Variants in USP30 observed in about 807,000 individuals in gnomAD.
The protein encoded by USP30 is ubiquitin carboxyl-terminal hydrolase 30.
Under a neutral mutation model 68.2 loss-of-function variants are expected in USP30, and 41 were observed. That is an observed-to-expected ratio of 0.60 (90% CI 0.47 to 0.78). The LOEUF is 0.78. USP30 is among the 30% of genes least tolerant of loss of function. The pLI is 0.00. For synonymous variants in USP30, 229 were observed against 253.7 expected, an observed-to-expected ratio of 0.90 and a Z score of 0.93; for missense variants, 522 against 649.4, an observed-to-expected ratio of 0.80 and a Z score of 2.13.
chr12:109,077,826 G>A (rs1005633491), intron 7 of USP30, among the ~76,000 whole-genome samples: 1 of 139,262 alleles, frequency 7.2e-6, no homozygotes, highest in South Asian at 2.1e-4. Context: ...TGTTTGTGTT[G>A]GGGGGGGAGG....
At chr12:109,026,146 G>A (rs1040601140) in intron 2 of USP30, among the ~76,000 whole-genome samples, 1 of 152,038 alleles carries the variant, frequency 6.6e-6, no homozygotes, top group Non-Finnish European at 1.5e-5. Flanking sequence ...TGCAATCTCA[G>A]CTAACTGCTA....
At chr12:109,061,272 A>G (rs936162557) in intron 3 of USP30, among the ~76,000 whole-genome samples, 1 of 152,078 alleles carries the variant, frequency 6.6e-6, no homozygotes, top group Non-Finnish European at 1.5e-5. Context: ...CCCTGACCTC[A>G]GCACTGCCCT....
At chr12:109,047,414 T>A (rs2040615393) in intron 3 of USP30, among the ~76,000 whole-genome samples, 1 of 152,180 alleles carries the variant, frequency 6.6e-6, no homozygotes, top group African/African-American at 2.4e-5. Flanking sequence ...GAGGTGGAAT[T>A]TAAATGATTT....
At chr12:109,032,099 CA>C (rs71079513) in intron 3 of USP30, among the ~76,000 whole-genome samples, 106,555 of 131,830 alleles carry the variant, frequency 0.81, 42,357 homozygotes, top group East Asian at 0.99. Context: ...GAGACTCTGT[CA>C]AAAAAAAAAA....
intron 9 of USP30, 113 bp from the exon 10 acceptor site, chr12:109,082,550 C>A: frequency 1.1e-6 from 1 of 945,518 alleles, no homozygotes; most frequent in Non-Finnish European, 1.6e-6. Context: ...TTCATTTCAG[C>A]AGGTAGCAGT....
chr12:109,081,385 G>T lies in USP30; in HGVS notation c.772G>T (p.Ala258Ser), dbSNP rs542871437. The T allele has an allele frequency of 3.2e-5, 51 of 1,613,946 alleles. No homozygotes were observed. The highest frequency in any genetic ancestry group is 4.2e-5 in the Non-Finnish European group (50 of 1,179,950). Residue 258 changes from alanine (A) to serine (S), a missense_variant, in exon 8 of 13, where the codon GCC becomes TCC. Physicochemically the swap from Ala to Ser is moderately conservative, Grantham distance 99 (BLOSUM62 1). Transcript: ENST00000257548. ...FDSLSLSIPA[A>S]TWGHPLTLDH... is the part of the protein sequence containing the mutation. ...TAGCCTTTCACTAAGTATTCCAGCC[G>T]CCACATGGGTATGTACTGATTTATG... is the stretch of plus-strand genomic sequence containing the variant.
intron 3 of USP30, among the ~76,000 whole-genome samples, chr12:109,064,916 A>G (rs1322695858): frequency 1.3e-5 from 2 of 152,150 alleles, no homozygotes; most frequent in Non-Finnish European, 2.9e-5. Context: ...GTATGGGAGA[A>G]AGATGTGGTT....
At chr12:109,044,164 T>C (rs1346044541) in intron 3 of USP30, among the ~76,000 whole-genome samples, 1 of 152,198 alleles carries the variant, frequency 6.6e-6, no homozygotes, top group Non-Finnish European at 1.5e-5. Flanking sequence ...TTAGAGTAGT[T>C]GAATAAATAG....
chr12:109,057,986 GC>G lies in USP30; in HGVS notation c.256del (p.Leu86CysfsTer33). On this transcript the variant is annotated frameshift_variant, in exon 3 of 13. Transcript: ENST00000257548. LOFTEE classifies it high-confidence loss of function. Reference sequence around the variant, plus strand: ...TGCTTCATGAACTCCCTGCTACAAGGCCTGTCTGCCTGTCCTGCTTTCATCA... The same window carrying G: ...TGCTTCATGAACTCCCTGCTACAAGGCTGTCTGCCTGTCCTGCTTTCATCA... Reference protein sequence around the residue: ...NTCFMNSLLQGLSACPAFIRW... With the variant: ...NTCFMNSLLQXLSACPAFIRW... The G allele has an allele frequency of 6.2e-7, 1 of 1,614,094 alleles. No homozygotes were observed. Among genetic ancestry groups the G allele is most frequent in the Non-Finnish European group, 8.5e-7 (1 of 1,180,022 alleles).
In USP30 at chr12:109,053,267, C is replaced by T. The variant is rs946094709; in HGVS notation, c.83+506C>T. ...GTACCGCCCCCTATTCCTGTTAGCC[C>T]GCCCTCTAGTCTAATATGGATCGCC... On this transcript the variant is annotated intron_variant, in intron 1 of 12. Transcript: ENST00000257548. Among the ~76,000 whole-genome samples, 3 of 152,242 alleles carry T rather than the reference C, an allele frequency of 2.0e-5. No individual in the cohort carries two copies. In the South Asian group the frequency reaches 6.2e-4, roughly 32 times the overall value.
chr12:109,026,600 G>A (rs1020383150), intron 2 of USP30, among the ~76,000 whole-genome samples: 4 of 151,274 alleles, frequency 2.6e-5, no homozygotes, highest in African/African-American at 9.7e-5. Flanking sequence ...GCTTCCTGTA[G>A]TAGACCGTAG....
intron 3 of USP30, among the ~76,000 whole-genome samples, chr12:109,044,499 C>A (rs555089015): frequency 1.3e-5 from 2 of 151,836 alleles, no homozygotes; most frequent in Admixed American, 6.6e-5. Flanking sequence ...CAGCCAGGCA[C>A]AAAGGCTCGT....
rs767886259 is a variant in USP30, at chr12:109,085,820, C to T, written c.1443C>T (p.Val481=). Reference sequence around the variant, plus strand: ...GGCTGTGGGTCTCCGATGACACTGTCCGCAAGGCCAGCCTGCAGGAGGTCC... The same window carrying T: ...GGCTGTGGGTCTCCGATGACACTGTTCGCAAGGCCAGCCTGCAGGAGGTCC... ...NQWLWVSDDT[V]RKASLQEVLS... The change falls in exon 13 of 13, where the codon GTC becomes GTT. Residue 481 remains valine, a synonymous_variant. Transcript: ENST00000257548. The T allele has an allele frequency of 1.1e-5, 17 of 1,614,128 alleles. No individual in the cohort carries two copies. The South Asian group carries it at 1.6e-4, about 16-fold the overall frequency.
chr12:109,052,823 G>C lies in USP30; in HGVS notation c.83+62G>C, dbSNP rs544586936. On this transcript the variant is annotated intron_variant, in intron 1 of 12. Transcript: ENST00000257548. ...GGACCAGGGTCCCCAGCTTGGGCCCGTGACGGCTTTTTCATGCCCTAGTTG... is the reference window on the plus strand; with the variant it reads ...GGACCAGGGTCCCCAGCTTGGGCCCCTGACGGCTTTTTCATGCCCTAGTTG... 2,240 of 1,382,484 alleles carry C rather than the reference G, an allele frequency of 1.6e-3. 36 individuals are homozygous for C. In the South Asian group the frequency reaches 0.024, roughly 15 times the overall value. The allele number at this position is 1,382,484 out of a possible 1,614,324, so 85.6% of individuals were successfully genotyped here.
In USP30 at chr12:109,082,975, C is replaced by T. The variant is rs1412486839; in HGVS notation, c.1081C>T (p.His361Tyr). The change falls in exon 11 of 13, where the codon CAT becomes TAT. Residue 361 changes from histidine (H) to tyrosine (Y), a missense_variant. Coordinates refer to ENST00000257548, the MANE Select transcript of USP30 (RefSeq NM_032663.5). ...MDIYKYHLLG[H>Y]KPSQHNPKLN... The stretch of plus-strand genomic sequence containing the variant: ...CATTTACAAGTACCACCTCCTTGGA[C>T]ATAAACCTAGTCAACACAACCCTAA... 6.2e-7 allele frequency: 1 copy of T among 1,614,216 alleles called. No homozygotes were observed. The highest frequency in any genetic ancestry group is 1.1e-5 in the South Asian group (1 of 91,086).
At chr12:109,060,780 G>A (rs1008204981) in intron 3 of USP30, among the ~76,000 whole-genome samples, 5 of 151,748 alleles carry the variant, frequency 3.3e-5, no homozygotes, top group South Asian at 2.1e-4. Flanking sequence ...TCAGCCTCCC[G>A]AGTAGCTGGG....
In USP30 at chr12:109,073,438, G is replaced by C. The variant is rs1298735483; in HGVS notation, c.626G>C (p.Gly209Ala). The C allele has an allele frequency of 6.2e-7, 1 of 1,613,098 alleles. No homozygotes were observed. Among genetic ancestry groups the C allele is most frequent in the African/African-American group, 1.3e-5 (1 of 74,882 alleles). The change falls in exon 7 of 13, where the codon GGG becomes GCG. Residue 209 changes from glycine to alanine, a missense_variant and splice_region_variant. By Grantham distance (60) the Gly-to-Ala change is moderately conservative. Transcript: ENST00000257548. Reference sequence around the variant, plus strand: ...TATCAAAAAACTTTTTGCATTCCAGGGTCACCTCACCCTACATCCAATCAC... The same window carrying C: ...TATCAAAAAACTTTTTGCATTCCAGCGTCACCTCACCCTACATCCAATCAC... ...TPKQITCRTR[G>A]SPHPTSNHWK...
intron 3 of USP30, among the ~76,000 whole-genome samples, chr12:109,036,332 A>T: frequency 7.0e-6 from 1 of 142,004 alleles, no homozygotes; most frequent in South Asian, 2.2e-4. Context: ...AGGGAGTCTC[A>T]CCCTTTCACC....
Position 109,085,712 on chromosome 12 carries a change from T to C in USP30, c.1335T>C (p.His445=). ...GGCTGATGGCAGTTGTCGTCCACCA[T>C]GGAGACATGCACTCTGGACACTTTG... ...LFRLMAVVVH[H]GDMHSGHFVT... Residue 445 remains histidine, a synonymous_variant, in exon 13 of 13, where the codon CAT becomes CAC. Transcript: ENST00000257548. The C allele has an allele frequency of 6.2e-7, 1 of 1,614,250 alleles. No homozygotes were observed.
Sources: allele counts gnomAD v4.1 joint callset (sites outside exome capture counted in the v4.1 genomes callset), GRCh38; gene constraint gnomAD v4.1.1; transcripts MANE v1.5; gene names NCBI Gene and HGNC (gene_info 2026-07-23, HGNC 2026-07-21).